Variants in FGF10 observed in about 807,000 individuals in gnomAD.
FGF10 encodes FGF-10.
Under a neutral mutation model 19.8 loss-of-function variants are expected in FGF10, and 2 were observed. The ratio of observed to expected loss-of-function variants is 0.10; its 90% CI spans 0.04 to 0.32. The LOEUF (loss-of-function observed/expected upper bound fraction) is 0.32, where lower values mean the gene tolerates loss of function less well. FGF10 is among the 10% of genes least tolerant of loss of function. FGF10 has a pLI of 1.00. For missense variants in FGF10, 191 were observed against 246.3 expected (o/e 0.78, Z 1.50); for synonymous variants, 112 against 94.0 (o/e 1.19, Z -1.10).
Position 44,346,107 on chromosome 5 carries a change from C to T in FGF10, c.326-35577G>A, listed in dbSNP as rs538252800. Among the ~76,000 whole-genome samples, 289 of 151,862 alleles carry T rather than the reference C, an allele frequency of 1.9e-3. 1 individual carries two copies. Among genetic ancestry groups the T allele is most frequent in the Non-Finnish European group, 2.9e-3 (196 of 67,842 alleles). ...CTGATTTGTCCTCCTGAAGCTGTTC[C>T]TTGTCCCACAGCCTTAATCTCAGCA... On this transcript the variant is annotated intron_variant, in intron 1 of 2. Transcript: ENST00000264664.
At chr5:44,359,651 C>G in intron 1 of FGF10, among the ~76,000 whole-genome samples, 1 of 151,410 alleles carries the variant, frequency 6.6e-6, no homozygotes, top group East Asian at 2.0e-4. Flanking sequence ...GATAATGCCA[C>G]TTTCTTCAGT....
intron 1 of FGF10, among the ~76,000 whole-genome samples, chr5:44,371,234 C>G (rs1741735135): frequency 6.6e-6 from 1 of 152,084 alleles, no homozygotes; most frequent in South Asian, 2.1e-4. Flanking sequence ...TGAACTACCA[C>G]ACTCAGCCCC....
At chr5:44,373,517 G>A (rs1741788540) in intron 1 of FGF10, among the ~76,000 whole-genome samples, 1 of 152,080 alleles carries the variant, frequency 6.6e-6, no homozygotes, top group Admixed American at 6.6e-5. Context: ...AATTTCCTCA[G>A]CTAAATATCC....
At chr5:44,332,189 A>T (rs1740749563) in intron 1 of FGF10, among the ~76,000 whole-genome samples, 1 of 152,056 alleles carries the variant, frequency 6.6e-6, no homozygotes, top group South Asian at 2.1e-4. Context: ...CCAGCTTTGG[A>T]TTGGCAAGTT....
chr5:44,349,028 A>G (rs902283369), intron 1 of FGF10, among the ~76,000 whole-genome samples: 15 of 151,650 alleles, frequency 9.9e-5, no homozygotes, highest in African/African-American at 3.6e-4. Flanking sequence ...CAAGAAATTT[A>G]TGAACACAGC....
intron 1 of FGF10, among the ~76,000 whole-genome samples, chr5:44,384,608 T>C (rs1181681156): frequency 6.6e-6 from 1 of 152,096 alleles, no homozygotes; most frequent in African/African-American, 2.4e-5. Context: ...ATACAACCAA[T>C]AGGCTGGGGC....
intron 1 of FGF10, among the ~76,000 whole-genome samples, chr5:44,383,612 ACT>A (rs954344878): frequency 6.6e-6 from 1 of 152,006 alleles, no homozygotes; most frequent in African/African-American, 2.4e-5. Context: ...TGAAGAGGAA[ACT>A]CTCTTGAATT....
At chr5:44,330,096 C>T (rs561162473) in intron 1 of FGF10, among the ~76,000 whole-genome samples, 1 of 152,142 alleles carries the variant, frequency 6.6e-6, no homozygotes, top group Non-Finnish European at 1.5e-5. Flanking sequence ...CCAATACTTA[C>T]TCAAAAACAG....
intron 1 of FGF10, among the ~76,000 whole-genome samples, chr5:44,331,007 T>C (rs1740723882): frequency 6.6e-6 from 1 of 152,176 alleles, no homozygotes; most frequent in African/African-American, 2.4e-5. Flanking sequence ...AAAGACATCA[T>C]AAGTAATGAT....
intron 1 of FGF10, among the ~76,000 whole-genome samples, chr5:44,352,504 C>T (rs1384368388): frequency 6.6e-6 from 1 of 151,692 alleles, no homozygotes; most frequent in East Asian, 2.0e-4. Flanking sequence ...ATTGAGACAG[C>T]TAATTTTTGA....
chr5:44,338,790 CTGTTT>C (rs528079342), intron 1 of FGF10, among the ~76,000 whole-genome samples: 102 of 152,230 alleles, frequency 6.7e-4, no homozygotes, highest in Non-Finnish European at 1.1e-3. Flanking sequence ...TTAATTTGTT[CTGTTT>C]TAAGTATCAA....
At chr5:44,346,941 T>G (rs1741103524) in intron 1 of FGF10, among the ~76,000 whole-genome samples, 1 of 151,872 alleles carries the variant, frequency 6.6e-6, no homozygotes, top group East Asian at 1.9e-4. Flanking sequence ...CTTATTTTGT[T>G]TCTTAAAAAA....
intron 1 of FGF10, among the ~76,000 whole-genome samples, chr5:44,345,938 G>A (rs1741080713): frequency 6.6e-6 from 1 of 151,764 alleles, no homozygotes; most frequent in Non-Finnish European, 1.5e-5. Flanking sequence ...AGGCACTTCT[G>A]TTTCATGACT....
In FGF10 at chr5:44,349,447, T is replaced by TATCAGA. The variant is rs1554038129; in HGVS notation, c.325+38910_325+38911insTCTGAT. Among the ~76,000 whole-genome samples, 100 of 15,452 alleles carry TATCAGA rather than the reference T, an allele frequency of 6.5e-3. 1 individual carries two copies. Among genetic ancestry groups the TATCAGA allele is most frequent in the Non-Finnish European group, 0.015 (93 of 6,320 alleles). 10.1% of individuals were successfully genotyped at this position (15,452 alleles called of 152,430 possible). ...TTATATATATATATATATATATATATATATATATATATATATATATATCAG... is the reference window on the plus strand; with the variant it reads ...TTATATATATATATATATATATATATATCAGAATATATATATATATATATATATCAG... On this transcript the variant is annotated intron_variant, in intron 1 of 2. Transcript: ENST00000264664.
At chr5:44,305,236 C>G (rs1273035112) in intron 2 of FGF10, 44 bp from the exon 3 acceptor site, 1 of 1,573,918 alleles carries the variant, frequency 6.4e-7, no homozygotes, top group Admixed American at 1.7e-5. Context: ...GGTGATTGTA[C>G]TTGATTTCAT....
intron 1 of FGF10, among the ~76,000 whole-genome samples, chr5:44,351,365 ATAAT>A (rs1287290014): frequency 6.6e-6 from 1 of 151,616 alleles, no homozygotes; most frequent in Non-Finnish European, 1.5e-5. Flanking sequence ...CATATTTTTG[ATAAT>A]TAGAGATTAT....
chr5:44,347,575 C>A (rs1205346499), intron 1 of FGF10, among the ~76,000 whole-genome samples: 1 of 151,762 alleles, frequency 6.6e-6, no homozygotes, highest in Non-Finnish European at 1.5e-5. Flanking sequence ...CCTGGCAAAT[C>A]TTTCTTCTCT....
chr5:44,363,376 A>C (rs931357609), intron 1 of FGF10, among the ~76,000 whole-genome samples: 1 of 151,894 alleles, frequency 6.6e-6, no homozygotes, highest in Admixed American at 6.6e-5. Context: ...TTTAACCTTC[A>C]TAAGGAAATA....
At chr5:44,349,004 T>C (rs1178785031) in intron 1 of FGF10, among the ~76,000 whole-genome samples, 2 of 151,526 alleles carry the variant, frequency 1.3e-5, no homozygotes, top group Non-Finnish European at 3.0e-5. Flanking sequence ...TAATGTTTCC[T>C]TCCAAAACTC....
Sources: gnomAD v4.1 joint callset for allele counts (sites outside exome capture counted in the v4.1 genomes callset) on GRCh38, gnomAD v4.1.1 for gene constraint, MANE v1.5 for transcripts, NCBI Gene and HGNC (gene_info 2026-07-23, HGNC 2026-07-21) for gene names.